The following SYT6 variants were observed in gnomAD, a reference collection of about 807,000 sequenced individuals.
SYT6 encodes the protein synaptotagmin 6.
SYT6 carries 24 observed loss-of-function variants against 38.4 expected under a neutral mutation model. The observed-to-expected ratio is 0.62, with a 90% CI of 0.45 to 0.88. The LOEUF (loss-of-function observed/expected upper bound fraction) is 0.88, where lower values mean the gene tolerates loss of function less well. SYT6 is among the 40% of genes least tolerant of loss of function. SYT6 has a pLI of 0.00. For synonymous variants in SYT6, 265 were observed against 241.9 expected, an observed-to-expected ratio of 1.10 and a Z score of -0.89; for missense variants, 611 against 621.0, an observed-to-expected ratio of 0.98 and a Z score of 0.17.
intron 1 of SYT6, among the ~76,000 whole-genome samples, chr1:114,146,301 C>T (rs1679152676): frequency 6.6e-6 from 1 of 152,124 alleles, no homozygotes; most frequent in South Asian, 2.1e-4. Context: ...CTCAGACATC[C>T]CTCATCTCCT....
chr1:114,136,484 C>T (rs929039262), intron 3 of SYT6, among the ~76,000 whole-genome samples: 1 of 152,234 alleles, frequency 6.6e-6, no homozygotes, highest in African/African-American at 2.4e-5. Context: ...CTAGCTATAC[C>T]TGCAGGATGC....
intron 3 of SYT6, among the ~76,000 whole-genome samples, chr1:114,105,503 T>C (rs1449671972): frequency 7.1e-6 from 1 of 141,338 alleles, no homozygotes; most frequent in Non-Finnish European, 1.5e-5. Context: ...TACCCCCAGC[T>C]TCCCAGGAAG....
chr1:114,120,849 G>T (rs1181021760), intron 3 of SYT6, among the ~76,000 whole-genome samples: 1 of 152,260 alleles, frequency 6.6e-6, no homozygotes, highest in East Asian at 1.9e-4. Context: ...TAAAGAGGGT[G>T]TGGCTGGCTA....
chr1:114,103,261 T>G lies in SYT6; in HGVS notation c.1192+340A>C, dbSNP rs150811393. ...TTTTTAAATCCTATATATTTACTTC[T>G]TGTTATCTCCCTCTTCTAAGAGAAA... is the stretch of plus-strand genomic sequence containing the variant. On this transcript the variant is annotated intron_variant, in intron 4 of 7. Coordinates refer to ENST00000610222, the MANE Select transcript of SYT6 (RefSeq NM_001253772.2). Among the ~76,000 whole-genome samples the G allele has an allele frequency of 5.3e-5, 8 of 152,192 alleles. No homozygotes were observed. The East Asian group carries it at 1.5e-3, about 29-fold the overall frequency.
At chr1:114,126,391 C>T (rs1557753372) in intron 3 of SYT6, among the ~76,000 whole-genome samples, 1 of 152,156 alleles carries the variant, frequency 6.6e-6, no homozygotes. Flanking sequence ...ACCCCATGAC[C>T]CTAGTCTCTC....
At chr1:114,106,958 G>A (rs185035369) in intron 3 of SYT6, among the ~76,000 whole-genome samples, 2 of 152,310 alleles carry the variant, frequency 1.3e-5, no homozygotes, top group African/African-American at 4.8e-5. Context: ...CTTGCAGAAA[G>A]GGGTGCTCAC....
chr1:114,131,088 C>T (rs868281775), intron 3 of SYT6, among the ~76,000 whole-genome samples: 1 of 152,078 alleles, frequency 6.6e-6, no homozygotes, highest in African/African-American at 2.4e-5. Flanking sequence ...GCCTGCCTTC[C>T]CCCAACATGC....
Position 114,111,342 on chromosome 1 carries a change from C to T in SYT6, c.1072-7621G>A, listed in dbSNP as rs942949169. Among the ~76,000 whole-genome samples, 5 of 152,328 alleles carry T rather than the reference C, an allele frequency of 3.3e-5. No individual in the cohort carries two copies. The South Asian group carries it at 8.3e-4, about 25-fold the overall frequency. ...TATCACCACTTTTTACCTGGGGACACTGAAGTACGGAGAGGTTATGCAAGT... is the reference window on the plus strand; with the variant it reads ...TATCACCACTTTTTACCTGGGGACATTGAAGTACGGAGAGGTTATGCAAGT... On this transcript the variant is annotated intron_variant, in intron 3 of 7. Coordinates refer to ENST00000610222, the MANE Select transcript of SYT6 (RefSeq NM_001253772.2).
intron 3 of SYT6, among the ~76,000 whole-genome samples, chr1:114,130,585 T>C (rs1011884985): frequency 6.6e-6 from 1 of 152,184 alleles, no homozygotes; most frequent in Admixed American, 6.5e-5. Flanking sequence ...GCTTCAATAC[T>C]CACCTCCATC....
At chr1:114,093,913 A>G in intron 6 of SYT6, 110 bp from the exon 7 acceptor site, 1 of 995,180 alleles carries the variant, frequency 1.0e-6, no homozygotes. Flanking sequence ...TAATGCTCTT[A>G]TTTAACAGAC....
intron 5 of SYT6, among the ~76,000 whole-genome samples, 178 bp downstream of exon 5, chr1:114,098,916 C>T (rs757608295): frequency 6.6e-6 from 1 of 152,174 alleles, no homozygotes; most frequent in Non-Finnish European, 1.5e-5. Flanking sequence ...TGAACCTTTG[C>T]TAAGGGAGAA....
At position 114,139,850 on chromosome 1, in the gene SYT6, C is replaced by T; in HGVS notation, c.277G>A (p.Ala93Thr). 6.3e-7 allele frequency: 1 copy of T among 1,582,286 alleles called. No homozygotes were observed. The highest frequency in any genetic ancestry group is 2.2e-5 in the East Asian group (1 of 44,590). Residue 93 changes from alanine (A) to threonine (T), a missense_variant, in exon 2 of 8, where the codon GCC becomes ACC. Ala to Thr is a moderately conservative substitution (Grantham distance 58). Coordinates refer to ENST00000610222, the MANE Select transcript of SYT6 (RefSeq NM_001253772.2). ...LCWMPWRNKE[A>T]SSPSSANPPL... ...GGATTAGCAGAAGAGGGACTGGAGG[C>T]CTCCTTGTTCCTCCAGGGCATCCAG... is the stretch of plus-strand genomic sequence containing the variant.
At chr1:114,146,395 G>C (rs1239882073) in intron 1 of SYT6, among the ~76,000 whole-genome samples, 3 of 152,214 alleles carry the variant, frequency 2.0e-5, no homozygotes, top group Non-Finnish European at 4.4e-5. Context: ...AACCTAAGCT[G>C]TATGCCTTCC....
intron 3 of SYT6, among the ~76,000 whole-genome samples, chr1:114,121,111 C>T (rs1677375467): frequency 6.6e-6 from 1 of 152,232 alleles, no homozygotes; most frequent in South Asian, 2.1e-4. Flanking sequence ...GGTTGTAGGA[C>T]TCTCCAGAGA....
At chr1:114,149,788 A>T (rs966451960) in intron 1 of SYT6, among the ~76,000 whole-genome samples, 1 of 151,968 alleles carries the variant, frequency 6.6e-6, no homozygotes, top group African/African-American at 2.4e-5. Context: ...CCCTGTTTGT[A>T]CCTGCAACTA....
intron 1 of SYT6, among the ~76,000 whole-genome samples, chr1:114,143,854 A>G (rs1450448272): frequency 6.6e-6 from 1 of 151,274 alleles, no homozygotes; most frequent in African/African-American, 2.4e-5. Flanking sequence ...CATTATCCCA[A>G]GAAAGGGGTA....
intron 3 of SYT6, among the ~76,000 whole-genome samples, chr1:114,115,029 G>A (rs1676913896): frequency 6.6e-6 from 1 of 152,194 alleles, no homozygotes; most frequent in Admixed American, 6.5e-5. Context: ...AGAAAATTAG[G>A]TATTAAGCAA....
intron 4 of SYT6, among the ~76,000 whole-genome samples, chr1:114,100,571 G>T (rs1675905915): frequency 6.6e-6 from 1 of 152,244 alleles, no homozygotes; most frequent in Non-Finnish European, 1.5e-5. Context: ...CAGTAGCTAT[G>T]CCTTAACCAT....
At chr1:114,117,849 A>G (rs1677090010) in intron 3 of SYT6, among the ~76,000 whole-genome samples, 1 of 152,194 alleles carries the variant, frequency 6.6e-6, no homozygotes, top group Non-Finnish European at 1.5e-5. Context: ...AAATGAGAGC[A>G]TTGTACCAGA....
Sources: allele counts gnomAD v4.1 joint callset (sites outside exome capture counted in the v4.1 genomes callset), GRCh38; gene constraint gnomAD v4.1.1; transcripts MANE v1.5; gene names NCBI Gene and HGNC (gene_info 2026-07-23, HGNC 2026-07-21).